The following CSMD3 variants were observed in gnomAD, a reference collection of about 807,000 sequenced individuals.
The protein encoded by CSMD3 is CUB and sushi domain-containing protein 3.
In CSMD3, 177 loss-of-function variants were observed where a neutral mutation model predicts 435.2. That is an observed-to-expected ratio of 0.41 (90% CI 0.36 to 0.46). The LOEUF is 0.46. Ranked by LOEUF, CSMD3 falls within the 20% of genes least tolerant of loss-of-function variation. CSMD3 has a pLI of 0.34. For synonymous variants in CSMD3, 1,656 were observed against 1,520.5 expected, an observed-to-expected ratio of 1.09 and a Z score of -2.07; for missense variants, 4,265 against 4,504.6, an observed-to-expected ratio of 0.95 and a Z score of 1.52.
chr8:112,683,902 T>C (rs964499422), intron 15 of CSMD3, among the ~76,000 whole-genome samples: 1 of 151,686 alleles, frequency 6.6e-6, no homozygotes. Flanking sequence ...TTTATATGTA[T>C]ACATATTTCT....
intron 38 of CSMD3, among the ~76,000 whole-genome samples, chr8:112,370,138 C>T (rs1006216091): frequency 1.5e-4 from 23 of 151,906 alleles, no homozygotes; most frequent in Admixed American, 1.3e-3. Context: ...ATAGCCAAGG[C>T]ATAGCCCATA....
chr8:112,536,157 C>A (rs373220374), intron 27 of CSMD3, among the ~76,000 whole-genome samples: 2,077 of 151,960 alleles, frequency 0.014, 18 homozygotes, highest in Non-Finnish European at 0.018. Context: ...GCAACAAAAG[C>A]CAAAATTGAC....
chr8:112,531,637 G>A (rs931129186), intron 27 of CSMD3, among the ~76,000 whole-genome samples: 5 of 152,156 alleles, frequency 3.3e-5, no homozygotes, highest in Non-Finnish European at 7.3e-5. Context: ...TGGTTGCAGT[G>A]CAGTTGGACT....
intron 38 of CSMD3, among the ~76,000 whole-genome samples, chr8:112,354,241 T>C (rs1194292392): frequency 6.6e-6 from 1 of 152,066 alleles, no homozygotes; most frequent in Non-Finnish European, 1.5e-5. Context: ...GACAATATAA[T>C]ACTGAGTGGG....
chr8:113,109,436 T>C (rs1016693400), intron 4 of CSMD3, among the ~76,000 whole-genome samples: 1 of 152,128 alleles, frequency 6.6e-6, no homozygotes, highest in Non-Finnish European at 1.5e-5. Flanking sequence ...TATCTGCTTC[T>C]AAAATACAAT....
At chr8:112,702,560 C>T (rs2076410458) in intron 13 of CSMD3, among the ~76,000 whole-genome samples, 1 of 152,026 alleles carries the variant, frequency 6.6e-6, no homozygotes, top group African/African-American at 2.4e-5. Flanking sequence ...CCCTTCTCTG[C>T]TCGCTTTTTG....
intron 32 of CSMD3, among the ~76,000 whole-genome samples, chr8:112,448,874 C>T (rs1036043283): frequency 2.0e-5 from 3 of 151,716 alleles, no homozygotes; most frequent in African/African-American, 7.3e-5. Context: ...TACCGCTCTT[C>T]AAAACAGGCC....
intron 62 of CSMD3, 148 bp from the exon 63 acceptor site, chr8:112,254,474 GAC>G (rs1196835344): frequency 1.8e-4 from 120 of 658,530 alleles, no homozygotes; most frequent in Non-Finnish European, 3.2e-4. Flanking sequence ...TCTCTCCATG[GAC>G]AGAAGCCTGT....
rs1816860000 is a variant in CSMD3 at position 112,265,534 on chromosome 8, A to G, written c.9565T>C (p.Tyr3189His). Residue 3189 changes from tyrosine (Y) to histidine (H), a missense_variant, in exon 60 of 71, where the codon TAT becomes CAT. Physicochemically the swap from Tyr to His is moderately conservative, Grantham distance 83 (BLOSUM62 2). This residue lies in a region of CSMD3 where 3,255 missense variants were observed against 3,380.2 expected (regional missense o/e 0.96). Transcript: ENST00000297405. ...PANGLRYGDD[Y>H]VVGQNVSYMC... ...TAAGAAACATTTTGTCCAACCACAT[A>G]ATCATCTCCATATCTCAGTCCATTG... 2 of 1,613,466 alleles carry G rather than the reference A, an allele frequency of 1.2e-6. No homozygotes were observed. The highest frequency in any genetic ancestry group is 8.5e-7 in the Non-Finnish European group (1 of 1,179,600).
chr8:112,305,122 T>C (rs946032315), intron 51 of CSMD3, among the ~76,000 whole-genome samples: 1 of 152,174 alleles, frequency 6.6e-6, no homozygotes, highest in African/African-American at 2.4e-5. Context: ...ACTCAATGGT[T>C]TCACAATTCA....
At chr8:113,103,796 A>T (rs2090397005) in intron 4 of CSMD3, among the ~76,000 whole-genome samples, 2 of 152,064 alleles carry the variant, frequency 1.3e-5, no homozygotes, top group African/African-American at 4.8e-5. Context: ...GGAGAAACAT[A>T]ACAAAATAAA....
chr8:113,181,646 G>A (rs1173430196), intron 3 of CSMD3, among the ~76,000 whole-genome samples: 1 of 151,994 alleles, frequency 6.6e-6, no homozygotes, highest in Non-Finnish European at 1.5e-5. Context: ...TGTTAACATA[G>A]TTGGGTGAAA....
chr8:112,625,464 TATG>T (rs1175890204), intron 22 of CSMD3, among the ~76,000 whole-genome samples: 1 of 152,146 alleles, frequency 6.6e-6, no homozygotes, highest in African/African-American at 2.4e-5. Context: ...TCAAGTTTTA[TATG>T]ATATGAAAAG....
chr8:113,010,148 G>A (rs773464479), intron 6 of CSMD3, among the ~76,000 whole-genome samples: 17 of 151,480 alleles, frequency 1.1e-4, no homozygotes, highest in Non-Finnish European at 1.8e-4. Context: ...AAGGTGGACC[G>A]CCCACCTTGT....
chr8:112,533,416 G>A (rs574367604), intron 27 of CSMD3, among the ~76,000 whole-genome samples: 8 of 151,774 alleles, frequency 5.3e-5, no homozygotes, highest in African/African-American at 1.9e-4. Flanking sequence ...TGAATGTGAA[G>A]GAATGAAACA....
intron 3 of CSMD3, among the ~76,000 whole-genome samples, chr8:113,224,203 T>C (rs961650840): frequency 1.3e-5 from 2 of 151,302 alleles, no homozygotes; most frequent in Non-Finnish European, 3.0e-5. Flanking sequence ...TTCTGCTTTT[T>C]AAAACCTCAA....
chr8:113,317,317 A>T (rs2093917720), intron 1 of CSMD3, among the ~76,000 whole-genome samples: 1 of 152,148 alleles, frequency 6.6e-6, no homozygotes. Flanking sequence ...GAACTTCATA[A>T]CTAAAGGCAA....
At chr8:113,297,081 CA>C (rs1563665882) in intron 2 of CSMD3, among the ~76,000 whole-genome samples, 1 of 151,918 alleles carries the variant, frequency 6.6e-6, no homozygotes. Flanking sequence ...TCAGAAAAAG[CA>C]AAACATTTTG....
At chr8:112,687,472 T>G (rs2076038057) in intron 14 of CSMD3, among the ~76,000 whole-genome samples, 1 of 152,196 alleles carries the variant, frequency 6.6e-6, no homozygotes, top group South Asian at 2.1e-4. Context: ...AATATTAAAA[T>G]AATTGTTCGC....
Sources: allele counts gnomAD v4.1 joint callset (sites outside exome capture counted in the v4.1 genomes callset), GRCh38; gene constraint gnomAD v4.1.1; regional missense constraint gnomAD v4.1.1; transcripts MANE v1.5; gene names NCBI Gene and HGNC (gene_info 2026-07-23, HGNC 2026-07-21).